The following ULK2 variants were observed in gnomAD, a reference collection of about 807,000 sequenced individuals.
ULK2 encodes serine/threonine-protein kinase ULK2.
A neutral mutation model predicts 127.5 loss-of-function variants in ULK2; 76 were observed. That is an observed-to-expected ratio of 0.60 (90% confidence interval 0.50 to 0.72). The LOEUF is 0.72. Among genes scored for constraint, ULK2 ranks in the 30% least tolerant of loss-of-function variants. The pLI, the probability that ULK2 is intolerant of heterozygous loss-of-function variation, is 0.00. For missense variants in ULK2, 1,144 were observed against 1,295.9 expected, an observed-to-expected ratio of 0.88 and a Z score of 1.80; for synonymous variants, 452 against 461.9, an observed-to-expected ratio of 0.98 and a Z score of 0.28.
chr17:19,781,065 CT>C lies in ULK2; in HGVS notation c.2678del (p.Gln893ArgfsTer19). ...CAAGATGCAGAGAAGCCGCAAGCAG[CT>C]GTGCTGCTTTCATGTACAACACCAG... ...EQLVLYMKAA[Q>X]LLAASLHLAK... On this transcript the variant is annotated frameshift_variant, in exon 24 of 27. Coordinates refer to ENST00000395544, the MANE Select transcript of ULK2 (RefSeq NM_014683.4). LOFTEE classifies it high-confidence loss of function. 6.2e-7 allele frequency: 1 copy of C among 1,613,936 alleles called. No homozygotes were observed. Among genetic ancestry groups the C allele is most frequent in the Middle Eastern group, 1.7e-4 (1 of 6,050 alleles).
chr17:19,842,314 C>T (rs2041783420), intron 8 of ULK2, among the ~76,000 whole-genome samples: 1 of 150,654 alleles, frequency 6.6e-6, no homozygotes, highest in Admixed American at 6.7e-5. Context: ...TCTCCTGCCT[C>T]AGCCTCCCTA....
chr17:19,814,239 G>GA (rs930685165), intron 13 of ULK2, among the ~76,000 whole-genome samples: 6 of 149,000 alleles, frequency 4.0e-5, no homozygotes, highest in African/African-American at 7.4e-5. Flanking sequence ...ATTAAATGTG[G>GA]AAAAAAAAAT....
At chr17:19,817,024 T>A in intron 12 of ULK2, 104 bp from the exon 13 acceptor site, 1 of 996,504 alleles carries the variant, frequency 1.0e-6, no homozygotes, top group Non-Finnish European at 1.4e-6. Flanking sequence ...AAAGTGGGCA[T>A]GAAGTCCAAT....
intron 15 of ULK2, 38 bp downstream of exon 15, chr17:19,804,655 T>C (rs186492149): frequency 0.012 from 19,127 of 1,535,602 alleles, 164 homozygotes; most frequent in Middle Eastern, 0.028. Context: ...TTAAAGGAGA[T>C]GAAAAAGAAT....
rs60693525 is a variant in ULK2, at chr17:19,800,988, T to A, written c.1441+789A>T. Among the ~76,000 whole-genome samples, 1,184 of 152,284 alleles carry A rather than the reference T, an allele frequency of 7.8e-3. 15 individuals carry two copies. Among genetic ancestry groups the A allele is most frequent in the African/African-American group, 0.026 (1,098 of 41,548 alleles). On this transcript the variant is annotated intron_variant, in intron 16 of 26. Coordinates refer to ENST00000395544, the MANE Select transcript of ULK2 (RefSeq NM_014683.4). The stretch of plus-strand genomic sequence containing the variant: ...TGTTGTTTCTGGTGTTTTGTTTGTA[T>A]TGGCATTCTCCTTATTACGGTACCA...
At chr17:19,852,217 T>C (rs2042032355) in intron 3 of ULK2, among the ~76,000 whole-genome samples, 1 of 149,372 alleles carries the variant, frequency 6.7e-6, no homozygotes, top group Admixed American at 6.7e-5. Context: ...AGAGCAAGAC[T>C]CCATCTCAAA....
intron 20 of ULK2, among the ~76,000 whole-genome samples, chr17:19,794,002 G>A (rs1352403159): frequency 2.6e-5 from 4 of 152,162 alleles, no homozygotes; most frequent in Non-Finnish European, 5.9e-5. Flanking sequence ...AGGTAATACA[G>A]ACAGAGAGAT....
At chr17:19,853,683 T>C (rs372168956) in intron 3 of ULK2, among the ~76,000 whole-genome samples, 1 of 151,928 alleles carries the variant, frequency 6.6e-6, no homozygotes, top group Non-Finnish European at 1.5e-5. Flanking sequence ...GCCATTCTCC[T>C]GCCTCAGCCT....
chr17:19,817,756 G>T (rs542549679), intron 12 of ULK2, among the ~76,000 whole-genome samples: 113 of 152,180 alleles, frequency 7.4e-4, no homozygotes, highest in African/African-American at 2.6e-3. Flanking sequence ...TTAAGGAACG[G>T]AAAAATACTA....
intron 3 of ULK2, among the ~76,000 whole-genome samples, chr17:19,858,674 A>G (rs2042180914): frequency 6.6e-6 from 1 of 150,466 alleles, no homozygotes; most frequent in Non-Finnish European, 1.5e-5. Flanking sequence ...ATGGTTTAAG[A>G]AAAAAAAAAT....
intron 20 of ULK2, among the ~76,000 whole-genome samples, chr17:19,792,283 A>G (rs1384085116): frequency 6.6e-6 from 1 of 152,236 alleles, no homozygotes; most frequent in Non-Finnish European, 1.5e-5. Flanking sequence ...CAAGGAAATG[A>G]AAGCTAGTTT....
At position 19,837,520 on chromosome 17, in the gene ULK2, C is replaced by T. The variant is rs568744370; in HGVS notation, c.787+981G>A. Reference sequence around the variant, plus strand: ...TGAAATTCAAGTGCACTTCTGACATCGACACTTAGATATCCAATGGTTATC... The same window carrying T: ...TGAAATTCAAGTGCACTTCTGACATTGACACTTAGATATCCAATGGTTATC... On this transcript the variant is annotated intron_variant, in intron 10 of 26. Transcript: ENST00000395544. 9.2e-5 allele frequency among the ~76,000 whole-genome samples: 14 copies of T among 152,282 alleles called. No homozygotes were observed. In the South Asian group the frequency reaches 1.2e-3, roughly 14 times the overall value.
At chr17:19,801,673 G>C in intron 16 of ULK2, 104 bp downstream of exon 16, 3 of 1,497,082 alleles carry the variant, frequency 2.0e-6, no homozygotes, top group Non-Finnish European at 2.7e-6. Flanking sequence ...AATCAGCTGA[G>C]AATCACTGCC....
Position 19,791,844 on chromosome 17 carries a change from CAAA to C in ULK2, c.2101+3775_2101+3777del, listed in dbSNP as rs58434256. 0.013 allele frequency among the ~76,000 whole-genome samples: 637 copies of C among 48,196 alleles called. 5 individuals are homozygous for C. In the East Asian group the frequency reaches 0.14, roughly 11 times the overall value. 31.6% of individuals were successfully genotyped at this position (48,196 alleles called of 152,430 possible). ...CTGCACTCCAGCAACACCCTGTTTA[CAAA>C]AAAAAAAAAAAAAAAAAAAAATGAA... On this transcript the variant is annotated intron_variant, in intron 20 of 26. Coordinates refer to ENST00000395544, the MANE Select transcript of ULK2 (RefSeq NM_014683.4).
intron 7 of ULK2, among the ~76,000 whole-genome samples, chr17:19,843,964 A>G (rs1040167366): frequency 4.6e-5 from 7 of 151,992 alleles, no homozygotes; most frequent in African/African-American, 1.7e-4. Context: ...GGCCTATTTG[A>G]TTTCTTTCAA....
chr17:19,839,774 TCATG>T (rs1466723823), intron 9 of ULK2, among the ~76,000 whole-genome samples: 1 of 152,128 alleles, frequency 6.6e-6, no homozygotes, highest in Non-Finnish European at 1.5e-5. Context: ...TAACTGGTCC[TCATG>T]CATTTGTGCA....
At position 19,797,382 on chromosome 17, in the gene ULK2, T is replaced by C; in HGVS notation, c.1809+14A>G. The C allele has an allele frequency of 1.2e-6, 2 of 1,605,306 alleles. No homozygotes were observed. The highest frequency in any genetic ancestry group is 1.1e-5 in the South Asian group (1 of 89,598). On this transcript the variant is annotated intron_variant, in intron 18 of 26. Transcript: ENST00000395544. ...TACCAGTTCCTGACCTACAAAAGGG[T>C]TTAATAAACAAACCTTAGTAGGAGA...
At chr17:19,850,282 C>A (rs775184825) in intron 3 of ULK2, among the ~76,000 whole-genome samples, 1 of 152,026 alleles carries the variant, frequency 6.6e-6, no homozygotes. Flanking sequence ...TTGGGGCAAT[C>A]GCATTATCAG....
intron 14 of ULK2, among the ~76,000 whole-genome samples, chr17:19,808,824 T>C (rs2087567186): frequency 6.6e-6 from 1 of 152,192 alleles, no homozygotes; most frequent in South Asian, 2.1e-4. Flanking sequence ...GCACTGTTGG[T>C]TGGACTGTAA....
Sources: allele counts gnomAD v4.1 joint callset (sites outside exome capture counted in the v4.1 genomes callset), GRCh38; gene constraint gnomAD v4.1.1; transcripts MANE v1.5; gene names NCBI Gene and HGNC (gene_info 2026-07-23, HGNC 2026-07-21).